Variants in MUC13 observed in about 807,000 individuals in gnomAD.
The protein encoded by MUC13 is mucin-13.
A neutral mutation model predicts 48.3 loss-of-function variants in MUC13; 32 were observed. The ratio of observed to expected loss-of-function variants is 0.66; its 90% CI spans 0.50 to 0.89. The LOEUF is 0.89. Ranked by LOEUF, MUC13 falls within the 40% of genes least tolerant of loss-of-function variation. MUC13 has a pLI of 0.00. For missense variants in MUC13, 571 were observed against 622.8 expected, an observed-to-expected ratio of 0.92 and a Z score of 0.88; for synonymous variants, 199 against 224.9, an observed-to-expected ratio of 0.88 and a Z score of 1.03.
chr3:124,912,765 G>A (rs1177788648), intron 8 of MUC13, among the ~76,000 whole-genome samples: 1 of 151,722 alleles, frequency 6.6e-6, no homozygotes, highest in Non-Finnish European at 1.5e-5. Context: ...ATGAAACCCC[G>A]TCTCCACTAA....
rs1196152295 is a variant in MUC13 at position 124,905,757 on chromosome 3, C to T, written c.*986G>A. 2 of 152,796 alleles carry T rather than the reference C, an allele frequency of 1.3e-5. No homozygotes were observed. Among genetic ancestry groups the T allele is most frequent in the Non-Finnish European group, 2.9e-5 (2 of 68,056 alleles). The allele number at this position is 152,796 out of a possible 1,614,324, so 9.5% of individuals were successfully genotyped here. On this transcript the variant is annotated 3_prime_UTR_variant, in exon 12 of 12. Transcript: ENST00000616727. ...CCTGAGCACAAGCTCCCTCTCGCAC[C>T]CTTTGCCAGACAGTTTGTCTCCAAT...
At chr3:124,931,303 C>A (rs912513958) in intron 1 of MUC13, among the ~76,000 whole-genome samples, 1 of 151,830 alleles carries the variant, frequency 6.6e-6, no homozygotes, top group Non-Finnish European at 1.5e-5. Flanking sequence ...TGGTGGCACA[C>A]GCCTGTAGTC....
At chr3:124,933,683 A>C (rs1306408071) in intron 1 of MUC13, among the ~76,000 whole-genome samples, 3 of 152,184 alleles carry the variant, frequency 2.0e-5, no homozygotes, top group Non-Finnish European at 4.4e-5. Flanking sequence ...CTGTAACCTC[A>C]AGATGGTGTA....
chr3:124,925,183 G>C (rs1240048723), intron 2 of MUC13, among the ~76,000 whole-genome samples: 1 of 152,174 alleles, frequency 6.6e-6, no homozygotes, highest in Non-Finnish European at 1.5e-5. Context: ...AAGACATGGA[G>C]GAAATGCATG....
intron 5 of MUC13, 41 bp from the exon 6 acceptor site, chr3:124,916,521 A>G (rs1194384378): frequency 6.4e-7 from 1 of 1,557,030 alleles, no homozygotes; most frequent in Non-Finnish European, 8.8e-7. Flanking sequence ...AATTGAACTG[A>G]AGAATCAACA....
intron 2 of MUC13, 103 bp downstream of exon 2, chr3:124,927,429 C>T: frequency 1.9e-6 from 2 of 1,064,324 alleles, no homozygotes. Context: ...AAACCTTGGG[C>T]CTCTTTAGAC....
At chr3:124,921,645 TA>T (rs1316136113) in intron 4 of MUC13, among the ~76,000 whole-genome samples, 4 of 152,210 alleles carry the variant, frequency 2.6e-5, no homozygotes, top group African/African-American at 9.7e-5. Context: ...GATGGGAAAC[TA>T]TTGTTCATGC....
At chr3:124,920,030 C>T (rs1387301638) in intron 5 of MUC13, 3 of 617,966 alleles carry the variant, frequency 4.9e-6, no homozygotes, top group South Asian at 2.1e-5. Context: ...CTTCCCCAGG[C>T]CATGCCCTGC....
intron 1 of MUC13, among the ~76,000 whole-genome samples, chr3:124,934,194 T>C (rs1017461760): frequency 6.6e-6 from 1 of 152,124 alleles, no homozygotes; most frequent in East Asian, 1.9e-4. Context: ...CCCTACAAGA[T>C]GGAGTCTCGC....
intron 9 of MUC13, among the ~76,000 whole-genome samples, chr3:124,910,735 G>A (rs560813269): frequency 1.3e-5 from 2 of 152,320 alleles, no homozygotes; most frequent in East Asian, 3.9e-4. Context: ...ACAAAACACT[G>A]TAAATACAAA....
In MUC13 at chr3:124,913,155, C is replaced by T. The variant is rs140633855; in HGVS notation, c.1170G>A (p.Ala390=). Residue 390 remains alanine (A), a synonymous_variant, in exon 8 of 12, where the codon GCG becomes GCA. Coordinates refer to ENST00000616727, the MANE Select transcript of MUC13 (RefSeq NM_033049.4). ...CATCTTCCTGGTAGCCGGGCACGCA[C>T]GCACACTCAGGGGCCCCACCACTCT... The part of the protein sequence containing the change: ...IKKSGGAPEC[A]CVPGYQEDAN... 1,124 of 1,614,086 alleles carry T rather than the reference C, an allele frequency of 7.0e-4. 2 individuals are homozygous for T. Among genetic ancestry groups the T allele is most frequent in the African/African-American group, 4.9e-3 (364 of 74,994 alleles).
intron 9 of MUC13, among the ~76,000 whole-genome samples, chr3:124,911,713 C>T (rs1935422931): frequency 6.6e-6 from 1 of 152,160 alleles, no homozygotes; most frequent in Admixed American, 6.5e-5. Context: ...ATTTAAATGT[C>T]TGGTTTCTAG....
intron 6 of MUC13, among the ~76,000 whole-genome samples, chr3:124,915,166 A>G (rs943503351): frequency 6.6e-6 from 1 of 152,068 alleles, no homozygotes; most frequent in Non-Finnish European, 1.5e-5. Context: ...AGCTGCAAAC[A>G]CCTCTTCCCG....
intron 10 of MUC13, among the ~76,000 whole-genome samples, chr3:124,908,964 G>C (rs1935369931): frequency 6.6e-6 from 1 of 152,084 alleles, no homozygotes; most frequent in Non-Finnish European, 1.5e-5. Flanking sequence ...GACCAGCCTG[G>C]CTAACATGGT....
At chr3:124,917,539 T>C (rs1169575064) in intron 5 of MUC13, among the ~76,000 whole-genome samples, 3 of 152,088 alleles carry the variant, frequency 2.0e-5, no homozygotes, top group Non-Finnish European at 2.9e-5. Context: ...CTCGAATAAA[T>C]GCAGAAGCCT....
chr3:124,932,114 C>T (rs1212385454), intron 1 of MUC13, among the ~76,000 whole-genome samples: 1 of 152,064 alleles, frequency 6.6e-6, no homozygotes, highest in African/African-American at 2.4e-5. Flanking sequence ...ACAAAACTGT[C>T]AGTATTAATA....
At chr3:124,928,082 CTT>C (rs56396479) in intron 1 of MUC13, 89 bp from the exon 2 acceptor site, 9,853 of 703,806 alleles carry the variant, frequency 0.014, no homozygotes, top group East Asian at 0.02. Context: ...CCAACTCATT[CTT>C]TTTTTTTTTT....
chr3:124,926,249 G>A lies in MUC13; in HGVS notation c.514+1283C>T, dbSNP rs1935685154. On this transcript the variant is annotated intron_variant, in intron 2 of 11. Transcript: ENST00000616727. Reference sequence around the variant, plus strand: ...GTTACAGCCAGAAGAGATTTGGGGGGCTTTTTAGTTCAGTCTCGCCTTATT... The same window carrying A: ...GTTACAGCCAGAAGAGATTTGGGGGACTTTTTAGTTCAGTCTCGCCTTATT... 2.6e-5 allele frequency among the ~76,000 whole-genome samples: 4 copies of A among 152,262 alleles called. No individual in the cohort carries two copies. In the South Asian group the frequency reaches 8.3e-4, roughly 32 times the overall value.
At chr3:124,907,172 T>C (rs1935332644) in intron 11 of MUC13, among the ~76,000 whole-genome samples, 1 of 152,224 alleles carries the variant, frequency 6.6e-6, no homozygotes, top group Non-Finnish European at 1.5e-5. Context: ...AGCTATCTTT[T>C]ATTATTATTA....
Sources: gnomAD v4.1 joint callset for allele counts (sites outside exome capture counted in the v4.1 genomes callset) on GRCh38, gnomAD v4.1.1 for gene constraint, MANE v1.5 for transcripts, NCBI Gene and HGNC (gene_info 2026-07-23, HGNC 2026-07-21) for gene names.